The following ERO1A variants were observed in gnomAD, a reference collection of about 807,000 sequenced individuals.
The protein encoded by ERO1A is ERO1-like protein alpha.
A neutral mutation model predicts 76.9 loss-of-function variants in ERO1A; 49 were observed. The observed-to-expected ratio is 0.64, with a 90% CI of 0.51 to 0.81. The LOEUF (loss-of-function observed/expected upper bound fraction) is 0.81, where lower values mean the gene tolerates loss of function less well. Among genes scored for constraint, ERO1A ranks in the 30% least tolerant of loss-of-function variants. ERO1A has a pLI of 0.00. For missense variants in ERO1A, 448 were observed against 542.1 expected (o/e 0.83, Z 1.72); for synonymous variants, 174 against 181.2 (o/e 0.96, Z 0.32).
chr14:52,692,081 T>A (rs1212973511), intron 1 of ERO1A, among the ~76,000 whole-genome samples: 1 of 152,216 alleles, frequency 6.6e-6, no homozygotes, highest in Admixed American at 6.5e-5. Flanking sequence ...CCAGAAAACA[T>A]GCAAATGGCT....
chr14:52,659,767 C>G (rs2040169583), intron 9 of ERO1A, among the ~76,000 whole-genome samples: 1 of 149,508 alleles, frequency 6.7e-6, no homozygotes, highest in East Asian at 2.0e-4. Context: ...TGCTTAGGAC[C>G]TAGGCTTCCA....
intron 1 of ERO1A, among the ~76,000 whole-genome samples, chr14:52,688,213 T>C (rs895817211): frequency 6.7e-6 from 1 of 150,328 alleles, no homozygotes; most frequent in African/African-American, 2.5e-5. Flanking sequence ...AAAAAAAAAG[T>C]CCTAGTCTTT....
chr14:52,647,390 A>G (rs983911163), intron 13 of ERO1A, among the ~76,000 whole-genome samples: 2 of 151,542 alleles, frequency 1.3e-5, no homozygotes, highest in African/African-American at 4.8e-5. Flanking sequence ...TTAAATTACT[A>G]TTACTATTAA....
intron 11 of ERO1A, among the ~76,000 whole-genome samples, chr14:52,653,682 A>G (rs989815398): frequency 1.3e-5 from 2 of 151,840 alleles, no homozygotes; most frequent in Admixed American, 6.6e-5. Context: ...ATTTCTATCA[A>G]CTCTACACTT....
intron 13 of ERO1A, among the ~76,000 whole-genome samples, chr14:52,650,352 GTTAA>G (rs1185970734): frequency 1.3e-5 from 2 of 150,636 alleles, no homozygotes; most frequent in Admixed American, 6.6e-5. Context: ...CCAAATTATT[GTTAA>G]TTGTTACCAT....
rs367582288 is a variant in ERO1A at position 52,666,417 on chromosome 14, G to A, written c.587C>T (p.Ala196Val). 779 of 1,608,680 alleles carry A rather than the reference G, an allele frequency of 4.8e-4. 7 individuals carry two copies. The South Asian group carries it at 8.1e-3, about 17-fold the overall frequency. Residue 196 changes from alanine to valine, a missense_variant, in exon 7 of 16, where the codon GCT becomes GTT. Coordinates refer to ENST00000395686, the MANE Select transcript of ERO1A (RefSeq NM_014584.3). ...GTAGATGACATTCCATATTTTCCAAGCATCTGGTCCCTTGTAACCAGTGTA... is the reference window on the plus strand; with the variant it reads ...GTAGATGACATTCCATATTTTCCAAACATCTGGTCCCTTGTAACCAGTGTA... ...ERYTGYKGPDAWKIWNVIYEE... is the reference protein window; with the variant it reads ...ERYTGYKGPDVWKIWNVIYEE...
At chr14:52,667,570 A>C (rs891981282) in intron 6 of ERO1A, among the ~76,000 whole-genome samples, 21 of 151,978 alleles carry the variant, frequency 1.4e-4, no homozygotes, top group African/African-American at 5.1e-4. Context: ...AAAAATACAA[A>C]AATTAGCCAG....
chr14:52,668,759 C>T lies in ERO1A; in HGVS notation c.509-2264G>A, dbSNP rs1015151239. On this transcript the variant is annotated intron_variant, in intron 6 of 15. Transcript: ENST00000395686. ...TAAATATTACTATATTATTATATTA[C>T]AAATCTTATAATTATACTATAATTA... 2.0e-5 allele frequency among the ~76,000 whole-genome samples: 3 copies of T among 147,786 alleles called. No individual in the cohort carries two copies. The Admixed American group carries it at 2.0e-4, about 10-fold the overall frequency.
chr14:52,658,858 G>A (rs183348184), intron 9 of ERO1A, among the ~76,000 whole-genome samples: 20 of 152,086 alleles, frequency 1.3e-4, no homozygotes, highest in Non-Finnish European at 1.5e-5. Context: ...TATACAAAAG[G>A]CATAAGAAAT....
At chr14:52,671,117 C>G (rs1239876727) in intron 6 of ERO1A, among the ~76,000 whole-genome samples, 2 of 152,184 alleles carry the variant, frequency 1.3e-5, no homozygotes, top group African/African-American at 4.8e-5. Context: ...GGTGCCTGAC[C>G]TATTTCACTT....
At chr14:52,693,833 AAC>A (rs1343204453) in intron 1 of ERO1A, among the ~76,000 whole-genome samples, 1 of 152,148 alleles carries the variant, frequency 6.6e-6, no homozygotes, top group Non-Finnish European at 1.5e-5. Context: ...TCTGAAAAGA[AAC>A]ACAGATAGCC....
Position 52,671,641 on chromosome 14 carries a change from C to T in ERO1A, c.497G>A (p.Cys166Tyr). The change falls in exon 6 of 16, where the codon TGT (cysteine) becomes TAT (tyrosine). Residue 166 changes from cysteine to tyrosine, a missense_variant. Physicochemically the swap from Cys to Tyr is radical, Grantham distance 194. Transcript: ENST00000395686. ...CAAAAATATTATACCATCAGCTTCACAGAAGTTATCTGAAGAATCATCATG... is the reference window on the plus strand; with the variant it reads ...CAAAAATATTATACCATCAGCTTCATAGAAGTTATCTGAAGAATCATCATG... ...TKHDDSSDNF[C>Y]EADDIQSPEA... 1.9e-6 allele frequency: 3 copies of T among 1,605,038 alleles called. No individual in the cohort carries two copies. Among genetic ancestry groups the T allele is most frequent in the Non-Finnish European group, 2.6e-6 (3 of 1,174,326 alleles).
intron 1 of ERO1A, among the ~76,000 whole-genome samples, chr14:52,684,993 T>C (rs1334870656): frequency 2.0e-5 from 3 of 152,164 alleles, no homozygotes; most frequent in African/African-American, 7.2e-5. Flanking sequence ...ATCTTTATAC[T>C]TTGGTCTAGA....
chr14:52,690,280 G>T (rs2041311282), intron 1 of ERO1A, among the ~76,000 whole-genome samples: 1 of 152,050 alleles, frequency 6.6e-6, no homozygotes, highest in East Asian at 1.9e-4. Flanking sequence ...GGGACTACAT[G>T]CAACTAAAAT....
chr14:52,692,995 T>C (rs1050868330), intron 1 of ERO1A, among the ~76,000 whole-genome samples: 7 of 139,188 alleles, frequency 5.0e-5, no homozygotes, highest in South Asian at 4.9e-4. Context: ...TGTTCTTAAA[T>C]AGACAACTTT....
intron 8 of ERO1A, among the ~76,000 whole-genome samples, chr14:52,662,927 C>T (rs1018143169): frequency 2.6e-5 from 4 of 151,974 alleles, no homozygotes; most frequent in Non-Finnish European, 5.9e-5. Context: ...TAAAATAATG[C>T]TACACAGTGG....
intron 11 of ERO1A, among the ~76,000 whole-genome samples, chr14:52,656,424 G>A (rs919925599): frequency 3.9e-5 from 6 of 152,036 alleles, no homozygotes; most frequent in Admixed American, 1.3e-4. Context: ...TTACTAATGA[G>A]TTTAGGCCAG....
intron 7 of ERO1A, 119 bp from the exon 8 acceptor site, chr14:52,663,966 A>G (rs1482069068): frequency 1.9e-5 from 11 of 564,798 alleles, no homozygotes; most frequent in Non-Finnish European, 3.4e-5. Context: ...TATTGAGATT[A>G]TAAAACACTT....
intron 2 of ERO1A, among the ~76,000 whole-genome samples, chr14:52,683,026 G>A (rs1034203605): frequency 2.6e-5 from 4 of 151,832 alleles, no homozygotes; most frequent in Non-Finnish European, 5.9e-5. Flanking sequence ...TGGCCAGCAC[G>A]GCAAAACCCC....
Sources: gnomAD v4.1 joint callset for allele counts (sites outside exome capture counted in the v4.1 genomes callset) on GRCh38, gnomAD v4.1.1 for gene constraint, MANE v1.5 for transcripts, NCBI Gene and HGNC (gene_info 2026-07-23, HGNC 2026-07-21) for gene names.